The following NBEA variants were observed in gnomAD, a reference collection of about 807,000 sequenced individuals.
The protein encoded by NBEA is lysosomal-trafficking regulator 2.
NBEA carries 44 observed loss-of-function variants against 343.4 expected under a neutral mutation model. The observed-to-expected ratio is 0.13, with a 90% CI of 0.10 to 0.16. The LOEUF is 0.16. Ranked by LOEUF, NBEA falls within the 10% of genes least tolerant of loss-of-function variation. The pLI, the probability that NBEA is intolerant of heterozygous loss-of-function variation, is 1.00. For synonymous variants in NBEA, 1,175 were observed against 1,238.7 expected, an observed-to-expected ratio of 0.95 and a Z score of 1.08; for missense variants, 2,555 against 3,631.3, an observed-to-expected ratio of 0.70 and a Z score of 7.62.
rs189183055 is a variant in NBEA at position 35,223,690 on chromosome 13, C to A, written c.5649-8802C>A. On this transcript the variant is annotated intron_variant, in intron 33 of 58. Transcript: ENST00000379939. The stretch of plus-strand genomic sequence containing the variant: ...ATGACTTCATTGTTTTTGGAAAATT[C>A]TCACTCAATATCTCTTAACATATTT... Among the ~76,000 whole-genome samples the A allele has an allele frequency of 2.0e-5, 3 of 152,176 alleles. No individual in the cohort carries two copies. The East Asian group carries it at 5.8e-4, about 29-fold the overall frequency.
At chr13:35,546,115 A>G (rs2079045912) in intron 41 of NBEA, among the ~76,000 whole-genome samples, 2 of 152,238 alleles carry the variant, frequency 1.3e-5, no homozygotes, top group Admixed American at 1.3e-4. Flanking sequence ...CGAACAGTAA[A>G]TAGGATAGAT....
intron 38 of NBEA, among the ~76,000 whole-genome samples, chr13:35,365,089 G>A (rs1435677028): frequency 6.6e-6 from 1 of 151,612 alleles, no homozygotes; most frequent in African/African-American, 2.4e-5. Context: ...AGGAAATTAG[G>A]CAGAAACCTC....
intron 35 of NBEA, among the ~76,000 whole-genome samples, chr13:35,303,264 G>A (rs7991633): frequency 1.3e-5 from 2 of 151,972 alleles, no homozygotes; most frequent in Non-Finnish European, 1.5e-5. Flanking sequence ...TTGTTCATCC[G>A]TAGTAGTATT....
chr13:35,394,428 G>A (rs965038235), intron 38 of NBEA, among the ~76,000 whole-genome samples: 6 of 152,024 alleles, frequency 3.9e-5, no homozygotes, highest in African/African-American at 1.4e-4. Context: ...GAAAACTTAA[G>A]TGTTACAGTA....
At chr13:35,118,866 T>G (rs895485835) in intron 16 of NBEA, among the ~76,000 whole-genome samples, 15 of 149,416 alleles carry the variant, frequency 1.0e-4, no homozygotes, top group African/African-American at 2.4e-4. Flanking sequence ...ACTTTAGTGG[T>G]TTTTTTCTTT....
At chr13:35,472,580 C>A (rs369443351) in intron 41 of NBEA, 44 bp downstream of exon 41, 109 of 1,611,626 alleles carry the variant, frequency 6.8e-5, no homozygotes, top group Non-Finnish European at 9.0e-5. Flanking sequence ...GGCTTTGTGG[C>A]AGGAAGTGGT....
At chr13:35,534,643 C>T (rs2078439511) in intron 41 of NBEA, among the ~76,000 whole-genome samples, 1 of 152,176 alleles carries the variant, frequency 6.6e-6, no homozygotes, top group South Asian at 2.1e-4. Flanking sequence ...AAGAACTTTA[C>T]ATACCGTAGC....
intron 41 of NBEA, among the ~76,000 whole-genome samples, chr13:35,488,219 C>CA (rs1270616525): frequency 6.6e-6 from 1 of 151,860 alleles, no homozygotes; most frequent in East Asian, 1.9e-4. Flanking sequence ...ATAGAATATT[C>CA]AGAGCAAAAC....
At chr13:35,353,895 A>G (rs1035676825) in intron 38 of NBEA, among the ~76,000 whole-genome samples, 2 of 152,206 alleles carry the variant, frequency 1.3e-5, no homozygotes, top group Non-Finnish European at 2.9e-5. Context: ...TATTCATTCA[A>G]TCATGGGAGC....
chr13:35,476,301 T>C (rs2041944551), intron 41 of NBEA: 3 of 420,690 alleles, frequency 7.1e-6, no homozygotes, highest in Non-Finnish European at 9.3e-6. Flanking sequence ...GTTTCCCTGC[T>C]GCTGCTGCTG....
At chr13:35,525,783 C>T (rs2077945294) in intron 41 of NBEA, among the ~76,000 whole-genome samples, 1 of 152,072 alleles carries the variant, frequency 6.6e-6, no homozygotes, top group African/African-American at 2.4e-5. Flanking sequence ...AAGGCACCAG[C>T]ACTTTTGGTG....
At chr13:35,597,938 T>A (rs1401871011) in intron 47 of NBEA, among the ~76,000 whole-genome samples, 1 of 152,202 alleles carries the variant, frequency 6.6e-6, no homozygotes, top group Non-Finnish European at 1.5e-5. Context: ...GAGGGATTAC[T>A]GTGCCCACCT....
chr13:35,338,482 A>G (rs1412754671), intron 36 of NBEA, among the ~76,000 whole-genome samples: 1 of 152,050 alleles, frequency 6.6e-6, no homozygotes, highest in African/African-American at 2.4e-5. Flanking sequence ...AACTTCCAAC[A>G]AAGAAAAATT....
intron 38 of NBEA, among the ~76,000 whole-genome samples, chr13:35,369,140 C>T (rs958993383): frequency 7.1e-6 from 1 of 141,748 alleles, no homozygotes; most frequent in South Asian, 2.2e-4. Flanking sequence ...GATGGATATT[C>T]TGTTGTGCCA....
At chr13:35,210,546 G>T (rs1258573086) in intron 32 of NBEA, among the ~76,000 whole-genome samples, 1 of 152,046 alleles carries the variant, frequency 6.6e-6, no homozygotes, top group East Asian at 1.9e-4. Flanking sequence ...ATCATTGAGG[G>T]AAGACTCATT....
chr13:35,657,803 C>T (rs753889813), intron 55 of NBEA, among the ~76,000 whole-genome samples: 1 of 151,972 alleles, frequency 6.6e-6, no homozygotes, highest in African/African-American at 2.4e-5. Context: ...AATTAATTAC[C>T]GTCTTCAAAA....
chr13:35,220,970 C>G (rs1593805871), intron 33 of NBEA, among the ~76,000 whole-genome samples: 1 of 152,072 alleles, frequency 6.6e-6, no homozygotes, highest in East Asian at 1.9e-4. Flanking sequence ...TACTAATTAT[C>G]TCTTTAGCTG....
intron 10 of NBEA, among the ~76,000 whole-genome samples, chr13:35,085,254 ACCAAAGC>A (rs1168943226): frequency 6.6e-6 from 1 of 152,126 alleles, no homozygotes; most frequent in Non-Finnish European, 1.5e-5. Context: ...TCATCCTGAT[ACCAAAGC>A]CTGGCAGAGA....
chr13:35,434,704 T>G (rs1275369554), intron 39 of NBEA, among the ~76,000 whole-genome samples: 1 of 152,070 alleles, frequency 6.6e-6, no homozygotes, highest in Admixed American at 6.6e-5. Context: ...AGAAGGTGAG[T>G]GGGAAGCTCT....
Sources: gnomAD v4.1 joint callset for allele counts (sites outside exome capture counted in the v4.1 genomes callset) on GRCh38, gnomAD v4.1.1 for gene constraint, MANE v1.5 for transcripts, NCBI Gene and HGNC (gene_info 2026-07-23, HGNC 2026-07-21) for gene names.